Variants in DOCK7 observed in about 807,000 individuals in gnomAD.
DOCK7 encodes dedicator of cytokinesis protein 7.
A neutral mutation model predicts 271.0 loss-of-function variants in DOCK7; 138 were observed. The observed-to-expected ratio is 0.51, with a 90% CI of 0.44 to 0.59. DOCK7 has a LOEUF of 0.59. Ranked by LOEUF, DOCK7 falls within the 20% of genes least tolerant of loss-of-function variation. The pLI is 0.00. For synonymous variants in DOCK7, 823 were observed against 876.1 expected (o/e 0.94, Z 1.07); for missense variants, 2,066 against 2,592.4 (o/e 0.80, Z 4.41).
intron 14 of DOCK7, among the ~76,000 whole-genome samples, chr1:62,613,985 C>T (rs552521613): frequency 6.6e-6 from 1 of 152,190 alleles, no homozygotes; most frequent in African/African-American, 2.4e-5. Context: ...CATATATAAA[C>T]TAAAAGGAGC....
chr1:62,541,013 T>C (rs1398823695), intron 25 of DOCK7, among the ~76,000 whole-genome samples: 1 of 152,200 alleles, frequency 6.6e-6, no homozygotes, highest in East Asian at 1.9e-4. Context: ...ACCCATAATA[T>C]AGGTAACATT....
At chr1:62,662,989 A>G in intron 2 of DOCK7, 36 bp downstream of exon 2, 1 of 1,535,688 alleles carries the variant, frequency 6.5e-7, no homozygotes, top group South Asian at 1.1e-5. Flanking sequence ...TCAATCATAC[A>G]CCAAGAAGAG....
intron 37 of DOCK7, among the ~76,000 whole-genome samples, chr1:62,502,637 G>A (rs375643359): frequency 1.3e-5 from 2 of 151,868 alleles, no homozygotes; most frequent in African/African-American, 4.8e-5. Context: ...GAGTACTAGG[G>A]GTATTACATA....
At chr1:62,606,759 G>A (rs1482382489) in intron 14 of DOCK7, among the ~76,000 whole-genome samples, 1 of 151,988 alleles carries the variant, frequency 6.6e-6, no homozygotes, top group African/African-American at 2.4e-5. Flanking sequence ...CTGACCCTCA[G>A]ACATTCTATC....
chr1:62,508,411 C>T (rs1644378328), intron 34 of DOCK7, among the ~76,000 whole-genome samples: 3 of 152,188 alleles, frequency 2.0e-5, no homozygotes. Context: ...AAACAACATT[C>T]AAATATTTAG....
chr1:62,515,162 C>G (rs1644624296), intron 31 of DOCK7, among the ~76,000 whole-genome samples: 2 of 151,366 alleles, frequency 1.3e-5, no homozygotes, highest in Admixed American at 1.3e-4. Flanking sequence ...AACCTGACCA[C>G]CAGAAGTATT....
At chr1:62,558,134 A>G (rs1646207341) in intron 20 of DOCK7, among the ~76,000 whole-genome samples, 1 of 152,150 alleles carries the variant, frequency 6.6e-6, no homozygotes, top group Non-Finnish European at 1.5e-5. Context: ...ACCTCTAATC[A>G]ATCCTCTAAT....
rs1287012990 is a variant in DOCK7 at position 62,594,637 on chromosome 1, T to C, written c.1683-8013A>G. Among the ~76,000 whole-genome samples, 3 of 151,996 alleles carry C rather than the reference T, an allele frequency of 2.0e-5. No homozygotes were observed. The East Asian group carries it at 5.8e-4, about 29-fold the overall frequency. ...AAGAATGTACTATATCAAAAGGGGG[T>C]AAACACTACTACGTATACATTCTGC... is the stretch of plus-strand genomic sequence containing the variant. On this transcript the variant is annotated intron_variant, in intron 14 of 49. Transcript: ENST00000635253.
At position 62,636,580 on chromosome 1, in the gene DOCK7, A is replaced by G. The variant is rs202034067; in HGVS notation, c.842T>C (p.Ile281Thr). Residue 281 changes from isoleucine to threonine, a missense_variant, in exon 8 of 50, where the codon ATT (isoleucine) becomes ACT (threonine). Ile to Thr is a moderately conservative substitution (Grantham distance 89, BLOSUM62 -1). Around this residue, in one of 2 missense-constraint regions of DOCK7, gnomAD observed 1,414 missense variants for 1,670.4 expected, o/e 0.85. Transcript: ENST00000635253. ...SLKFEIEIEP[I>T]FASLALYDVK... The stretch of plus-strand genomic sequence containing the variant: ...ATCATATAAAGCCAAACTTGCAAAA[A>G]TGGGTTCAATTTCAATTTCAAACCT... 1.2e-6 allele frequency: 2 copies of G among 1,603,376 alleles called. No individual in the cohort carries two copies.
intron 18 of DOCK7, among the ~76,000 whole-genome samples, chr1:62,567,946 A>C (rs1246577682): frequency 6.6e-6 from 1 of 152,188 alleles, no homozygotes; most frequent in Non-Finnish European, 1.5e-5. Context: ...AAAACAACAG[A>C]ATATACAATC....
At chr1:62,622,922 T>C (rs1653464610) in intron 12 of DOCK7, among the ~76,000 whole-genome samples, 1 of 151,650 alleles carries the variant, frequency 6.6e-6, no homozygotes, top group Middle Eastern at 3.4e-3. Context: ...AGAGCAAGAC[T>C]CAAAAACAAA....
rs746286000 is a variant in DOCK7, at chr1:62,604,153, A to T, written c.1682+14553T>A. ...CGATTACTGGCAATGTCCCCAATGC[A>T]ATCCCGGAAAACAAAGATTTGGTGT... is the stretch of plus-strand genomic sequence containing the variant. On this transcript the variant is annotated intron_variant, in intron 14 of 49. Coordinates refer to ENST00000635253, the MANE Select transcript of DOCK7 (RefSeq NM_001367561.1). 5.6e-6 allele frequency: 9 copies of T among 1,613,458 alleles called. No individual in the cohort carries two copies. The highest frequency in any genetic ancestry group is 1.7e-5 in the Admixed American group (1 of 59,954).
At chr1:62,545,723 T>A (rs866488078) in intron 22 of DOCK7, among the ~76,000 whole-genome samples, 2 of 152,226 alleles carry the variant, frequency 1.3e-5, no homozygotes, top group Middle Eastern at 3.4e-3. Context: ...TTCATCATCA[T>A]CTTCATTAAT....
chr1:62,573,750 T>C (rs998676603), intron 18 of DOCK7, among the ~76,000 whole-genome samples: 1 of 152,152 alleles, frequency 6.6e-6, no homozygotes, highest in Non-Finnish European at 1.5e-5. Flanking sequence ...CTTTATGTTC[T>C]ATACATTTTT....
Position 62,582,841 on chromosome 1 carries a change from C to A in DOCK7, c.1871+343G>T, listed in dbSNP as rs147846648. On this transcript the variant is annotated intron_variant, in intron 16 of 49. Transcript: ENST00000635253. ...CTGGTAACATCACCAATTTAACTGACTAATGTGTTCAAGCTTAGTAAAGGG... is the reference window on the plus strand; with the variant it reads ...CTGGTAACATCACCAATTTAACTGAATAATGTGTTCAAGCTTAGTAAAGGG... Among the ~76,000 whole-genome samples the A allele has an allele frequency of 3.2e-3, 486 of 152,196 alleles. 4 individuals carry two copies. The highest frequency in any genetic ancestry group is 0.011 in the African/African-American group (471 of 41,524).
At position 62,477,866 on chromosome 1, in the gene DOCK7, T is replaced by C. The variant is rs751127550; in HGVS notation, c.5509-41A>G. On this transcript the variant is annotated intron_variant, in intron 43 of 49. Transcript: ENST00000635253. ...TTAGGAAAATGGAGAAACTTTAATA[T>C]GAAATCTTCCTGTTTTTCACATTAT... 30 of 1,536,048 alleles carry C rather than the reference T, an allele frequency of 2.0e-5. No homozygotes were observed. The Admixed American group carries it at 5.3e-4, about 27-fold the overall frequency.
At chr1:62,542,359 T>C (rs904180988) in intron 25 of DOCK7, among the ~76,000 whole-genome samples, 2 of 152,172 alleles carry the variant, frequency 1.3e-5, no homozygotes, top group African/African-American at 4.8e-5. Context: ...TTTGAAAATA[T>C]AGCTAGCTTA....
At chr1:62,542,817 G>A (rs1273198399) in intron 24 of DOCK7, 114 bp from the exon 25 acceptor site, 6 of 904,340 alleles carry the variant, frequency 6.6e-6, no homozygotes, top group East Asian at 2.7e-5. Flanking sequence ...AATAAGGCAC[G>A]TGAACCATTC....
intron 48 of DOCK7, among the ~76,000 whole-genome samples, chr1:62,466,184 C>A (rs1429879709): frequency 6.6e-6 from 1 of 151,940 alleles, no homozygotes; most frequent in Non-Finnish European, 1.5e-5. Context: ...TTTGCCTGAA[C>A]AGGTTTTTTT....
Sources: allele counts gnomAD v4.1 joint callset (sites outside exome capture counted in the v4.1 genomes callset), GRCh38; gene constraint gnomAD v4.1.1; regional missense constraint gnomAD v4.1.1; transcripts MANE v1.5; gene names NCBI Gene and HGNC (gene_info 2026-07-23, HGNC 2026-07-21).